OR9Q1: variants seen among roughly 807,000 people sequenced by gnomAD.
OR9Q1 encodes the protein olfactory receptor 9Q1.
For synonymous variants in OR9Q1, 153 were observed against 148.6 expected, an observed-to-expected ratio of 1.03 and a Z score of -0.22; for missense variants, 374 against 378.8, an observed-to-expected ratio of 0.99 and a Z score of 0.11.
intron 2 of OR9Q1, among the ~76,000 whole-genome samples, chr11:58,071,773 C>G (rs1005306019): frequency 6.6e-6 from 1 of 152,192 alleles, no homozygotes; most frequent in African/African-American, 2.4e-5. Context: ...GTAAGATTCA[C>G]TAGTGGCAAT....
intron 2 of OR9Q1, among the ~76,000 whole-genome samples, chr11:58,074,902 G>T (rs1381769387): frequency 6.6e-6 from 1 of 152,170 alleles, no homozygotes; most frequent in Non-Finnish European, 1.5e-5. Flanking sequence ...GTTTGTCAAA[G>T]ATCAGATGGT....
chr11:58,049,570 C>T (rs1311083612), intron 1 of OR9Q1, among the ~76,000 whole-genome samples: 2 of 79,342 alleles, frequency 2.5e-5, no homozygotes, highest in African/African-American at 1.2e-4. Flanking sequence ...CACTCCTATT[C>T]AACATAGTGT....
At chr11:58,157,284 G>A (rs61902803) in intron 2 of OR9Q1, among the ~76,000 whole-genome samples, 30,334 of 152,112 alleles carry the variant, frequency 0.2, 3,521 homozygotes, top group Non-Finnish European at 0.27. Flanking sequence ...CACTTGCTCA[G>A]TAATCCTCCC....
At chr11:58,055,970 T>G (rs1366753825) in intron 2 of OR9Q1, 23 bp downstream of exon 2, 1 of 152,326 alleles carries the variant, frequency 6.6e-6, no homozygotes, top group African/African-American at 2.4e-5. Context: ...TTTCTATTAT[T>G]TATAAGTTAC....
At chr11:58,068,495 G>A (rs1182578417) in intron 2 of OR9Q1, among the ~76,000 whole-genome samples, 3 of 152,088 alleles carry the variant, frequency 2.0e-5, no homozygotes, top group Non-Finnish European at 2.9e-5. Flanking sequence ...TAGGAAGATC[G>A]TCTTAGCATG....
intron 2 of OR9Q1, among the ~76,000 whole-genome samples, chr11:58,140,056 A>G (rs983732517): frequency 4.6e-5 from 7 of 151,858 alleles, no homozygotes; most frequent in Non-Finnish European, 1.0e-4. Context: ...GCATTTTTTC[A>G]TGTGTCTTTT....
intron 2 of OR9Q1, among the ~76,000 whole-genome samples, chr11:58,097,070 C>G (rs1043660601): frequency 3.3e-5 from 5 of 152,070 alleles, no homozygotes; most frequent in Non-Finnish European, 7.4e-5. Context: ...CTCAAACTCC[C>G]ATCTTTAAAC....
intron 1 of OR9Q1, among the ~76,000 whole-genome samples, chr11:58,035,485 GAC>G (rs1853092856): frequency 6.6e-6 from 1 of 152,154 alleles, no homozygotes; most frequent in Non-Finnish European, 1.5e-5. Context: ...GGCTTAAAAA[GAC>G]AATTATAATT....
intron 2 of OR9Q1, among the ~76,000 whole-genome samples, chr11:58,175,626 A>C (rs1452790142): frequency 1.3e-5 from 2 of 152,096 alleles, no homozygotes; most frequent in African/African-American, 4.8e-5. Flanking sequence ...ATGGATAAGA[A>C]TCTCACCTAT....
At chr11:58,172,485 A>G (rs943792999) in intron 2 of OR9Q1, among the ~76,000 whole-genome samples, 1 of 152,056 alleles carries the variant, frequency 6.6e-6, no homozygotes, top group African/African-American at 2.4e-5. Flanking sequence ...GAGTGTTTTT[A>G]TTTCCTCCCT....
intron 2 of OR9Q1, among the ~76,000 whole-genome samples, chr11:58,115,531 G>T (rs1276562056): frequency 6.6e-6 from 1 of 152,138 alleles, no homozygotes; most frequent in Non-Finnish European, 1.5e-5. Flanking sequence ...TAAAGAAAAG[G>T]AAGGCTGCTT....
intron 1 of OR9Q1, among the ~76,000 whole-genome samples, chr11:58,034,806 C>CTTCCTTCCTTCCTTCCTTCCTTCCTTCT (rs1853083751): frequency 8.3e-6 from 1 of 120,322 alleles, no homozygotes; most frequent in Non-Finnish European, 1.7e-5. Flanking sequence ...TCCTTCCTTC[C>CTTCCTTCCTTCCTTCCTTCCTTCCTTCT]TTCCTTCCTT....
chr11:58,139,234 GT>G lies in OR9Q1; in HGVS notation c.-14-40191del, dbSNP rs966136137. Among the ~76,000 whole-genome samples, 200 of 151,610 alleles carry G rather than the reference GT, an allele frequency of 1.3e-3. 6 individuals carry two copies. Among genetic ancestry groups the G allele is most frequent in the Non-Finnish European group, 4.3e-4 (29 of 67,914 alleles). On this transcript the variant is annotated intron_variant, in intron 2 of 2. Transcript: ENST00000335397. ...AAAGGAGGATAATCTTATATACAGG[GT>G]TTTTTCCCTTTCACTTTTATTTTAA...
intron 2 of OR9Q1, among the ~76,000 whole-genome samples, chr11:58,123,287 C>T (rs10750886): frequency 0.38 from 58,427 of 152,060 alleles, 12,347 homozygotes; most frequent in East Asian, 0.67. Context: ...AATCTCCCTG[C>T]AGTTAATCAG....
intron 2 of OR9Q1, among the ~76,000 whole-genome samples, chr11:58,123,345 C>T (rs1001004453): frequency 5.3e-5 from 8 of 152,252 alleles, no homozygotes; most frequent in East Asian, 1.9e-4. Context: ...ATTTCAACAC[C>T]TTTCTCAGTA....
At chr11:58,147,345 C>T (rs1473206961) in intron 2 of OR9Q1, among the ~76,000 whole-genome samples, 1 of 152,142 alleles carries the variant, frequency 6.6e-6, no homozygotes, top group Admixed American at 6.5e-5. Context: ...ATCAACTACT[C>T]CTTCTTAAGG....
chr11:58,130,087 C>T (rs1383695042), intron 2 of OR9Q1, among the ~76,000 whole-genome samples: 1 of 152,104 alleles, frequency 6.6e-6, no homozygotes, highest in Non-Finnish European at 1.5e-5. Context: ...CTCGAGTCTG[C>T]CTTGTTCACT....
At chr11:58,129,236 C>CGTGT (rs59902083) in intron 2 of OR9Q1, among the ~76,000 whole-genome samples, 8,021 of 144,774 alleles carry the variant, frequency 0.055, 228 homozygotes, top group African/African-American at 0.066. Flanking sequence ...CAGAGCAATT[C>CGTGT]GTGTGTGTGT....
At chr11:58,131,777 CA>C (rs1439604439) in intron 2 of OR9Q1, among the ~76,000 whole-genome samples, 1 of 152,100 alleles carries the variant, frequency 6.6e-6, no homozygotes, top group African/African-American at 2.4e-5. Flanking sequence ...ACGAGCTGTC[CA>C]ATGAGGAGTC....
Sources: gnomAD v4.1 joint callset for allele counts (sites outside exome capture counted in the v4.1 genomes callset) on GRCh38, gnomAD v4.1.1 for gene constraint, MANE v1.5 for transcripts, NCBI Gene and HGNC (gene_info 2026-07-23, HGNC 2026-07-21) for gene names.